Variants in CD84 observed in about 807,000 individuals in gnomAD.
CD84 encodes the protein SLAM family member 5.
A neutral mutation model predicts 33.8 loss-of-function variants in CD84; 22 were observed. The ratio of observed to expected loss-of-function variants is 0.65; its 90% CI spans 0.46 to 0.93. The LOEUF (loss-of-function observed/expected upper bound fraction) is 0.93, where lower values mean the gene tolerates loss of function less well. Ranked by LOEUF, CD84 falls within the 40% of genes least tolerant of loss-of-function variation. CD84 has a pLI of 0.00. For synonymous variants in CD84, 154 were observed against 145.2 expected, an observed-to-expected ratio of 1.06 and a Z score of -0.44; for missense variants, 400 against 397.6, an observed-to-expected ratio of 1.01 and a Z score of -0.05.
rs1208169147 is a variant in CD84, at chr1:160,544,108, C to T, written c.*4148G>A. The T allele has an allele frequency of 1.3e-5, 2 of 151,430 alleles. No homozygotes were observed. Among genetic ancestry groups the T allele is most frequent in the Non-Finnish European group, 2.9e-5 (2 of 67,870 alleles). The allele number at this position is 151,430 out of a possible 1,614,324, so 9.4% of individuals were successfully genotyped here. On this transcript the variant is annotated 3_prime_UTR_variant, in exon 7 of 7. Coordinates refer to ENST00000368054, the MANE Select transcript of CD84 (RefSeq NM_003874.4). ...CTGTCAGAGCCCACATTTATGACCA[C>T]TCATTATATTTCCTCTTATTGTCTT...
intron 2 of CD84, among the ~76,000 whole-genome samples, chr1:160,564,568 C>T (rs968210279): frequency 6.6e-6 from 1 of 152,342 alleles, no homozygotes; most frequent in Non-Finnish European, 1.5e-5. Flanking sequence ...CCGTGGAATA[C>T]TATCTAGCAA....
rs941774180 is a variant in CD84, at chr1:160,543,772, T to C, written c.*4484A>G. ...ATAAGGAGGGATGAGAGTTAAAAGT[T>C]TGATATACAACATTAATTTTGCATA... On this transcript the variant is annotated 3_prime_UTR_variant, in exon 7 of 7. Coordinates refer to ENST00000368054, the MANE Select transcript of CD84 (RefSeq NM_003874.4). 2.6e-5 allele frequency: 4 copies of C among 152,090 alleles called. No individual in the cohort carries two copies. The highest frequency in any genetic ancestry group is 9.7e-5 in the African/African-American group (4 of 41,402). The allele number at this position is 152,090 out of a possible 1,614,324, so 9.4% of individuals were successfully genotyped here. A position where few individuals can be genotyped will look rare whatever the true frequency, so the allele number is the denominator to read the frequency against.
At chr1:160,559,399 A>C (rs1656806454) in intron 2 of CD84, among the ~76,000 whole-genome samples, 1 of 152,196 alleles carries the variant, frequency 6.6e-6, no homozygotes, top group Non-Finnish European at 1.5e-5. Context: ...TAAGTGAAGA[A>C]GAAATAAAAT....
intron 1 of CD84, among the ~76,000 whole-genome samples, chr1:160,567,323 C>T (rs1009531562): frequency 3.3e-5 from 5 of 152,184 alleles, no homozygotes; most frequent in Non-Finnish European, 7.3e-5. Flanking sequence ...TGCTCTTCAG[C>T]TCAGCAACCA....
intron 1 of CD84, 58 bp from the exon 2 acceptor site, chr1:160,565,803 A>G (rs114999732): frequency 7.0e-7 from 1 of 1,428,260 alleles, no homozygotes; most frequent in Non-Finnish European, 9.3e-7. Flanking sequence ...TTCACTTCCT[A>G]ATCTTTTTGG....
chr1:160,555,376 C>A (rs975182439), intron 2 of CD84, among the ~76,000 whole-genome samples: 2 of 152,256 alleles, frequency 1.3e-5, no homozygotes, highest in East Asian at 3.9e-4. Context: ...AGCCACCGCA[C>A]CCAGCCAAAA....
Position 160,579,475 on chromosome 1 carries a change from A to T in CD84, c.-38T>A. 6.2e-7 allele frequency: 1 copy of T among 1,612,164 alleles called. No individual in the cohort carries two copies. The highest frequency in any genetic ancestry group is 1.7e-4 in the Middle Eastern group (1 of 6,050). ...CTAACCTTCTGTGGAAAAGCACGGCACTGTTCTAGCAGAGTCAGTTTCACT... is the reference window on the plus strand; with the variant it reads ...CTAACCTTCTGTGGAAAAGCACGGCTCTGTTCTAGCAGAGTCAGTTTCACT... On this transcript the variant is annotated 5_prime_UTR_variant, in exon 1 of 7. Transcript: ENST00000368054.
chr1:160,565,539 T>A lies in CD84; in HGVS notation c.253A>T (p.Ile85Leu), dbSNP rs752538126. The A allele has an allele frequency of 6.2e-7, 1 of 1,614,026 alleles. No homozygotes were observed. Among genetic ancestry groups the A allele is most frequent in the Non-Finnish European group, 8.5e-7 (1 of 1,179,918 alleles). The change falls in exon 2 of 7, where the codon ATA becomes TTA. Residue 85 changes from isoleucine to leucine, a missense_variant. Ile to Leu is a conservative substitution (Grantham distance 5). Transcript: ENST00000368054. ...TTGTAGTTCGGACCTAAGGCATGTATCCGTTCATAATAATTTCTGTGGGTC... is the reference window on the plus strand; with the variant it reads ...TTGTAGTTCGGACCTAAGGCATGTAACCGTTCATAATAATTTCTGTGGGTC... ...TVTHRNYYER[I>L]HALGPNYNLV...
Position 160,547,594 on chromosome 1 carries a change from C to T in CD84, c.*662G>A, listed in dbSNP as rs1434854801. ...CACAGCACTGTCATCTGTGTTTGGACTTACTAAGCCTGTTATGCCCTGCAC... is the reference window on the plus strand; with the variant it reads ...CACAGCACTGTCATCTGTGTTTGGATTTACTAAGCCTGTTATGCCCTGCAC... On this transcript the variant is annotated 3_prime_UTR_variant, in exon 7 of 7. Coordinates refer to ENST00000368054, the MANE Select transcript of CD84 (RefSeq NM_003874.4). 1.2e-5 allele frequency: 2 copies of T among 167,302 alleles called. No individual in the cohort carries two copies. Among genetic ancestry groups the T allele is most frequent in the African/African-American group, 4.7e-5 (2 of 42,110 alleles). The allele number at this position is 167,302 out of a possible 1,614,324, so 10.4% of individuals were successfully genotyped here. A position where few individuals can be genotyped will look rare whatever the true frequency, so the allele number is the denominator to read the frequency against.
intron 4 of CD84, 44 bp downstream of exon 4, chr1:160,553,329 GGAGGA>G: frequency 6.2e-7 from 1 of 1,613,990 alleles, no homozygotes; most frequent in Non-Finnish European, 8.5e-7. Flanking sequence ...TTCAGTCCCA[GGAGGA>G]GAGAAGGTGA....
At chr1:160,577,678 A>G (rs1658059133) in intron 1 of CD84, among the ~76,000 whole-genome samples, 1 of 152,182 alleles carries the variant, frequency 6.6e-6, no homozygotes, top group Non-Finnish European at 1.5e-5. Flanking sequence ...ATGAATGAAA[A>G]GCGAGTGTGA....
intron 1 of CD84, among the ~76,000 whole-genome samples, chr1:160,578,857 T>C: frequency 6.6e-6 from 1 of 152,194 alleles, no homozygotes; most frequent in East Asian, 1.9e-4. Context: ...TTTTAGAGTT[T>C]GTTGAGGATA....
In CD84 at chr1:160,544,069, AC is replaced by A. The variant is rs1375913245; in HGVS notation, c.*4186del. ...ACATGACTAAGAAACCAGGATGCAG[AC>A]CCAGGCACTCTACTGTCAGAGCCCA... On this transcript the variant is annotated 3_prime_UTR_variant, in exon 7 of 7. Coordinates refer to ENST00000368054, the MANE Select transcript of CD84 (RefSeq NM_003874.4). 2 of 151,496 alleles carry A rather than the reference AC, an allele frequency of 1.3e-5. No homozygotes were observed. Among genetic ancestry groups the A allele is most frequent in the African/African-American group, 4.9e-5 (2 of 41,146 alleles). 9.4% of individuals were successfully genotyped at this position (151,496 alleles called of 1,614,324 possible).
At chr1:160,554,901 C>CTATATATATAGAATATATATATATT (rs377611146) in intron 2 of CD84, among the ~76,000 whole-genome samples, 17 of 151,532 alleles carry the variant, frequency 1.1e-4, no homozygotes, top group African/African-American at 3.6e-4. Context: ...AAAATAAATT[C>CTATATATATAGAATATATATATATT]TATATAGAAT....
At chr1:160,578,575 A>C (rs1658114737) in intron 1 of CD84, among the ~76,000 whole-genome samples, 1 of 152,186 alleles carries the variant, frequency 6.6e-6, no homozygotes, top group African/African-American at 2.4e-5. Flanking sequence ...CTGGCAAGAG[A>C]TACTAGAAGT....
Position 160,544,504 on chromosome 1 carries a change from A to C in CD84, c.*3752T>G, listed in dbSNP as rs1362218981. 6.6e-6 allele frequency: 1 copy of C among 152,102 alleles called. No homozygotes were observed. Among genetic ancestry groups the C allele is most frequent in the Non-Finnish European group, 1.5e-5 (1 of 68,036 alleles). 9.4% of individuals were successfully genotyped at this position (152,102 alleles called of 1,614,324 possible). ...ACTAATTATTGAGAAAATTTATACAAATCAAGGGAAATTCAGAGAAAAGTC... is the reference window on the plus strand; with the variant it reads ...ACTAATTATTGAGAAAATTTATACACATCAAGGGAAATTCAGAGAAAAGTC... On this transcript the variant is annotated 3_prime_UTR_variant, in exon 7 of 7. Transcript: ENST00000368054.
At chr1:160,569,488 G>A (rs1014249479) in intron 1 of CD84, among the ~76,000 whole-genome samples, 5 of 151,220 alleles carry the variant, frequency 3.3e-5, no homozygotes, top group Admixed American at 3.3e-4. Flanking sequence ...CTTTCGGGGG[G>A]AATTTGATAC....
chr1:160,561,703 G>A (rs1656980475), intron 2 of CD84, among the ~76,000 whole-genome samples: 1 of 152,190 alleles, frequency 6.6e-6, no homozygotes, highest in South Asian at 2.1e-4. Context: ...TATTCGAATA[G>A]GGAGAGAGGA....
At chr1:160,562,951 A>G (rs1380880677) in intron 2 of CD84, among the ~76,000 whole-genome samples, 1 of 152,202 alleles carries the variant, frequency 6.6e-6, no homozygotes, top group Non-Finnish European at 1.5e-5. Flanking sequence ...ACACTTCTCA[A>G]AAGAAGACAT....
Sources: allele counts gnomAD v4.1 joint callset (sites outside exome capture counted in the v4.1 genomes callset), GRCh38; gene constraint gnomAD v4.1.1; transcripts MANE v1.5; gene names NCBI Gene and HGNC (gene_info 2026-07-23, HGNC 2026-07-21).